DTNBP1: variants seen among roughly 807,000 people sequenced by gnomAD.
DTNBP1 encodes dysbindin.
In DTNBP1, 35 loss-of-function variants were observed where a neutral mutation model predicts 42.8. The observed-to-expected ratio is 0.82, with a 90% confidence interval of 0.63 to 1.09. DTNBP1 has a LOEUF of 1.09. Among genes scored for constraint, DTNBP1 ranks in the 50% least tolerant of loss-of-function variants. The pLI, the probability that DTNBP1 is intolerant of heterozygous loss-of-function variation, is 0.00. For synonymous variants in DTNBP1, 171 were observed against 162.2 expected (o/e 1.05, Z -0.41); for missense variants, 457 against 424.2 (o/e 1.08, Z -0.68).
At chr6:15,633,481 T>G (rs1456512756) in intron 4 of DTNBP1, among the ~76,000 whole-genome samples, 1 of 152,170 alleles carries the variant, frequency 6.6e-6, no homozygotes, top group African/African-American at 2.4e-5. Flanking sequence ...GGTTCAAGGC[T>G]TCAGAAGTAA....
intron 7 of DTNBP1, among the ~76,000 whole-genome samples, chr6:15,536,943 T>A (rs184215763): frequency 6.6e-6 from 1 of 152,378 alleles, no homozygotes; most frequent in East Asian, 1.9e-4. Context: ...ACTGCCCTGC[T>A]GGATTTCAGA....
intron 5 of DTNBP1, among the ~76,000 whole-genome samples, chr6:15,620,025 G>A (rs961453023): frequency 7.9e-5 from 12 of 151,640 alleles, no homozygotes; most frequent in East Asian, 1.9e-4. Flanking sequence ...GAATTTGGTC[G>A]GGGGGGAATA....
chr6:15,657,236 C>T lies in DTNBP1; in HGVS notation c.57-5096G>A, dbSNP rs561719058. Among the ~76,000 whole-genome samples the T allele has an allele frequency of 1.7e-4, 26 of 152,318 alleles. 1 individual carries two copies. In the South Asian group the frequency reaches 5.4e-3, roughly 32 times the overall value. Reference sequence around the variant, plus strand: ...CTCACCTGAGCGCAAGAGAAATTTCCAATTGCTTCTCAGCTGTCAAGCAGC... The same window carrying T: ...CTCACCTGAGCGCAAGAGAAATTTCTAATTGCTTCTCAGCTGTCAAGCAGC... On this transcript the variant is annotated intron_variant, in intron 1 of 9. Transcript: ENST00000344537.
intron 4 of DTNBP1, among the ~76,000 whole-genome samples, chr6:15,628,398 CTTTTTTTTTTTT>C (rs70996561): frequency 2.6e-5 from 2 of 77,060 alleles, no homozygotes; most frequent in South Asian, 5.4e-4. Context: ...GATTAAGGTT[CTTTTTTTTTTTT>C]TTTTTTTTTT....
At chr6:15,613,357 AT>A (rs1184227291) in intron 6 of DTNBP1, among the ~76,000 whole-genome samples, 1,718 of 24,184 alleles carry the variant, frequency 0.071, 542 homozygotes, top group African/African-American at 0.21. Flanking sequence ...CACGGACCCC[AT>A]TTTTTTTTTT....
At chr6:15,579,377 T>TA (rs1775721163) in intron 7 of DTNBP1, among the ~76,000 whole-genome samples, 1 of 152,218 alleles carries the variant, frequency 6.6e-6, no homozygotes, top group Admixed American at 6.5e-5. Flanking sequence ...TAGTGGTTAC[T>TA]AGAGGCTGGG....
At chr6:15,647,863 T>G (rs1369463587) in intron 3 of DTNBP1, among the ~76,000 whole-genome samples, 2 of 151,930 alleles carry the variant, frequency 1.3e-5, no homozygotes, top group Non-Finnish European at 2.9e-5. Context: ...ATTCTCAAAA[T>G]CTTTTTAAAA....
intron 9 of DTNBP1, chr6:15,524,242 T>G: frequency 6.4e-7 from 1 of 1,573,398 alleles, no homozygotes; most frequent in Middle Eastern, 2.3e-4. Flanking sequence ...CTCAAATGGA[T>G]TTCTGGGTGG....
At chr6:15,530,564 G>A (rs1441420905) in intron 8 of DTNBP1, among the ~76,000 whole-genome samples, 1 of 152,166 alleles carries the variant, frequency 6.6e-6, no homozygotes, top group Non-Finnish European at 1.5e-5. Context: ...CTTGCTAGCT[G>A]TGGAGCAACT....
chr6:15,612,669 C>G (rs1300206529), intron 6 of DTNBP1, among the ~76,000 whole-genome samples: 1 of 152,166 alleles, frequency 6.6e-6, no homozygotes, highest in Non-Finnish European at 1.5e-5. Flanking sequence ...TCCCTAAAAC[C>G]CTATAATGTA....
At chr6:15,630,120 G>A (rs1022780094) in intron 4 of DTNBP1, among the ~76,000 whole-genome samples, 1 of 152,138 alleles carries the variant, frequency 6.6e-6, no homozygotes, top group East Asian at 1.9e-4. Flanking sequence ...TTGAGGTTAG[G>A]AGAAGGAAGA....
intron 7 of DTNBP1, among the ~76,000 whole-genome samples, chr6:15,574,064 T>A (rs1046561677): frequency 1.5e-4 from 23 of 152,148 alleles, no homozygotes; most frequent in Non-Finnish European, 2.6e-4. Flanking sequence ...TACAAACAGA[T>A]CATGTCTCGG....
intron 7 of DTNBP1, among the ~76,000 whole-genome samples, chr6:15,547,281 A>G (rs1053606241): frequency 6.6e-6 from 1 of 152,336 alleles, no homozygotes; most frequent in Middle Eastern, 3.4e-3. Flanking sequence ...CACATTTGGC[A>G]GCATCAAAAT....
At chr6:15,611,113 G>C (rs777619424) in intron 6 of DTNBP1, among the ~76,000 whole-genome samples, 1 of 152,188 alleles carries the variant, frequency 6.6e-6, no homozygotes, top group African/African-American at 2.4e-5. Context: ...TGATTCTCTT[G>C]TTAGGGACTA....
intron 7 of DTNBP1, among the ~76,000 whole-genome samples, chr6:15,549,671 C>T (rs1036747396): frequency 6.6e-6 from 1 of 152,036 alleles, no homozygotes; most frequent in African/African-American, 2.4e-5. Flanking sequence ...GGCTCATTGT[C>T]CTGTCCTCAC....
intron 7 of DTNBP1, among the ~76,000 whole-genome samples, chr6:15,591,790 GT>G (rs1167074293): frequency 6.6e-6 from 1 of 151,966 alleles, no homozygotes; most frequent in Non-Finnish European, 1.5e-5. Flanking sequence ...TAACTTGATT[GT>G]TTTTTTCATC....
At chr6:15,624,093 T>C (rs1022667872) in intron 5 of DTNBP1, among the ~76,000 whole-genome samples, 6 of 152,244 alleles carry the variant, frequency 3.9e-5, no homozygotes, top group East Asian at 3.8e-4. Flanking sequence ...CAGTGCGTGG[T>C]GCGTGGCAGA....
chr6:15,575,452 A>G (rs1775521205), intron 7 of DTNBP1, among the ~76,000 whole-genome samples: 1 of 152,190 alleles, frequency 6.6e-6, no homozygotes, highest in Non-Finnish European at 1.5e-5. Flanking sequence ...ACTTCTCTTT[A>G]ATTTTATGGT....
intron 5 of DTNBP1, among the ~76,000 whole-genome samples, chr6:15,622,179 C>A (rs1475462076): frequency 6.6e-6 from 1 of 152,130 alleles, no homozygotes; most frequent in Non-Finnish European, 1.5e-5. Flanking sequence ...TATTAAGAGA[C>A]TATGCCAAAT....
Sources: allele counts gnomAD v4.1 joint callset (sites outside exome capture counted in the v4.1 genomes callset), GRCh38; gene constraint gnomAD v4.1.1; transcripts MANE v1.5; gene names NCBI Gene and HGNC (gene_info 2026-07-23, HGNC 2026-07-21).